The following RNF4 variants were observed in gnomAD, a reference collection of about 807,000 sequenced individuals.
RNF4 encodes the protein E3 ubiquitin-protein ligase RNF4.
A neutral mutation model predicts 24.3 loss-of-function variants in RNF4; 7 were observed. That is an observed-to-expected ratio of 0.29 (90% CI 0.16 to 0.54). The LOEUF (loss-of-function observed/expected upper bound fraction) is 0.54, where lower values mean the gene tolerates loss of function less well. RNF4 is among the 20% of genes least tolerant of loss of function. RNF4 has a pLI of 0.95. For missense variants in RNF4, 209 were observed against 248.5 expected, an observed-to-expected ratio of 0.84 and a Z score of 1.07; for synonymous variants, 83 against 84.3, an observed-to-expected ratio of 0.98 and a Z score of 0.09.
intron 3 of RNF4, among the ~76,000 whole-genome samples, chr4:2,497,929 C>T (rs1225215411): frequency 3.9e-5 from 6 of 152,142 alleles, no homozygotes; most frequent in African/African-American, 1.4e-4. Context: ...CCACTGCACC[C>T]GGCCATGCAA....
intron 7 of RNF4, 55 bp from the exon 8 acceptor site, chr4:2,513,615 T>C (rs1367923071): frequency 1.2e-5 from 20 of 1,605,720 alleles, no homozygotes; most frequent in Non-Finnish European, 1.6e-5. Context: ...TCTGGCCCCA[T>C]GGCTGCTCTG....
At chr4:2,479,557 C>T (rs115725163) in intron 1 of RNF4, among the ~76,000 whole-genome samples, 1,764 of 152,252 alleles carry the variant, frequency 0.012, 27 homozygotes, top group African/African-American at 0.04. Flanking sequence ...AGTTTCCGTG[C>T]ACAAGCTCTC....
intron 1 of RNF4, among the ~76,000 whole-genome samples, chr4:2,471,674 A>G (rs1734914308): frequency 1.3e-5 from 2 of 152,262 alleles, no homozygotes; most frequent in Non-Finnish European, 2.9e-5. Context: ...CAATGAATAC[A>G]TGAATGATAA....
intron 1 of RNF4, among the ~76,000 whole-genome samples, chr4:2,478,451 C>T (rs879779101): frequency 1.3e-5 from 2 of 152,212 alleles, no homozygotes; most frequent in African/African-American, 4.8e-5. Context: ...CATCATAGGC[C>T]CAGATGCCCA....
intron 4 of RNF4, among the ~76,000 whole-genome samples, chr4:2,507,243 G>A (rs1736131135): frequency 6.6e-6 from 1 of 152,086 alleles, no homozygotes; most frequent in Non-Finnish European, 1.5e-5. Context: ...ACAGAACCCT[G>A]TAGATCTCTG....
chr4:2,497,565 G>A (rs1735775732), intron 3 of RNF4, among the ~76,000 whole-genome samples: 1 of 152,136 alleles, frequency 6.6e-6, no homozygotes, highest in Admixed American at 6.6e-5. Context: ...GTGGTTGATG[G>A]CTGGCCTAAG....
chr4:2,503,830 G>T (rs952810994), intron 4 of RNF4, among the ~76,000 whole-genome samples: 1 of 152,160 alleles, frequency 6.6e-6, no homozygotes, highest in African/African-American at 2.4e-5. Flanking sequence ...GTTCCGCCAG[G>T]ACCTGTCGAA....
At chr4:2,472,601 TAAAAAAA>T (rs80169458) in intron 1 of RNF4, among the ~76,000 whole-genome samples, 3 of 135,594 alleles carry the variant, frequency 2.2e-5, no homozygotes, top group Admixed American at 7.6e-5. Context: ...GCCAGTCTCT[TAAAAAAA>T]AAAAAAAAAA....
At chr4:2,475,463 C>G (rs555902582) in intron 1 of RNF4, among the ~76,000 whole-genome samples, 2 of 152,094 alleles carry the variant, frequency 1.3e-5, no homozygotes, top group African/African-American at 4.8e-5. Flanking sequence ...CTCAGCCTCC[C>G]GGGTAGCTGG....
At chr4:2,509,784 G>A (rs1736215054) in intron 4 of RNF4, among the ~76,000 whole-genome samples, 1 of 152,150 alleles carries the variant, frequency 6.6e-6, no homozygotes, top group South Asian at 2.1e-4. Flanking sequence ...TGTCATGGCT[G>A]GGGCACTGGG....
chr4:2,500,997 A>C (rs1008436949), intron 4 of RNF4, among the ~76,000 whole-genome samples: 15 of 152,252 alleles, frequency 9.9e-5, no homozygotes, highest in Non-Finnish European at 2.1e-4. Context: ...CTTGTCGCCT[A>C]TGGAGTAGGT....
chr4:2,481,352 A>G (rs1735237703), intron 1 of RNF4: 1 of 152,188 alleles, frequency 6.6e-6, no homozygotes, highest in Non-Finnish European at 1.5e-5. Context: ...TTCCTCACAA[A>G]TGGTGGGTTT....
chr4:2,483,951 C>T (rs901956999), intron 1 of RNF4, among the ~76,000 whole-genome samples: 3 of 150,632 alleles, frequency 2.0e-5, no homozygotes, highest in Non-Finnish European at 3.0e-5. Flanking sequence ...CTCAGGTTCC[C>T]GAGTAGCTGG....
intron 4 of RNF4, among the ~76,000 whole-genome samples, chr4:2,508,628 G>A (rs1159408333): frequency 1.3e-5 from 2 of 151,732 alleles, no homozygotes; most frequent in Non-Finnish European, 2.9e-5. Context: ...TTTTGTTTTT[G>A]AGACGGAATT....
chr4:2,501,823 A>G (rs1236829151), intron 4 of RNF4, among the ~76,000 whole-genome samples: 5 of 152,110 alleles, frequency 3.3e-5, no homozygotes, highest in Non-Finnish European at 7.4e-5. Flanking sequence ...ATGCCTGGGT[A>G]TCTGAATAGG....
intron 4 of RNF4, among the ~76,000 whole-genome samples, chr4:2,501,246 G>A (rs1735900759): frequency 6.6e-6 from 1 of 152,262 alleles, no homozygotes; most frequent in Admixed American, 6.5e-5. Flanking sequence ...CTAGAATGGT[G>A]CCCAGTCACT....
chr4:2,487,620 C>T (rs1735450287), intron 1 of RNF4, among the ~76,000 whole-genome samples: 1 of 152,124 alleles, frequency 6.6e-6, no homozygotes. Flanking sequence ...CAGGATCTCA[C>T]CATGTTAACC....
chr4:2,488,177 G>A (rs1309088324), intron 1 of RNF4, among the ~76,000 whole-genome samples: 2 of 152,146 alleles, frequency 1.3e-5, no homozygotes, highest in African/African-American at 2.4e-5. Flanking sequence ...AAAGCTGGGT[G>A]GGAGGACAGA....
chr4:2,504,695 CAG>C (rs1261800531), intron 4 of RNF4, among the ~76,000 whole-genome samples: 13 of 147,114 alleles, frequency 8.8e-5, no homozygotes, highest in Non-Finnish European at 1.5e-4. Flanking sequence ...GGACTACAGG[CAG>C]CCGCCACCAT....
Sources: gnomAD v4.1 joint callset for allele counts (sites outside exome capture counted in the v4.1 genomes callset) on GRCh38, gnomAD v4.1.1 for gene constraint, MANE v1.5 for transcripts, NCBI Gene and HGNC (gene_info 2026-07-23, HGNC 2026-07-21) for gene names.